The following DDX27 variants were observed in gnomAD, a reference collection of about 807,000 sequenced individuals.
The protein encoded by DDX27 is DEAD-box helicase 27.
DDX27 carries 42 observed loss-of-function variants against 99.3 expected under a neutral mutation model. The ratio of observed to expected loss-of-function variants is 0.42; its 90% CI spans 0.33 to 0.55. The LOEUF (loss-of-function observed/expected upper bound fraction) is 0.55. Ranked by LOEUF, DDX27 falls within the 20% of genes least tolerant of loss-of-function variation. The pLI, the probability that DDX27 is intolerant of heterozygous loss-of-function variation, is 0.07. For missense variants in DDX27, 798 were observed against 976.8 expected (o/e 0.82, Z 2.44); for synonymous variants, 329 against 353.8 (o/e 0.93, Z 0.79).
intron 16 of DDX27, among the ~76,000 whole-genome samples, chr20:49,239,822 C>T (rs1309460055): frequency 6.6e-6 from 1 of 152,104 alleles, no homozygotes; most frequent in East Asian, 1.9e-4. Flanking sequence ...AAACTATGTT[C>T]ATCAACAAGT....
chr20:49,221,808 CTTTTTT>C (rs11475081), intron 2 of DDX27, among the ~76,000 whole-genome samples: 1 of 132,170 alleles, frequency 7.6e-6, no homozygotes. Flanking sequence ...GACTCACTGT[CTTTTTT>C]TTTTTTTTTT....
At chr20:49,230,025 G>C (rs1980044864) in intron 8 of DDX27, among the ~76,000 whole-genome samples, 174 bp from the exon 9 acceptor site, 1 of 152,170 alleles carries the variant, frequency 6.6e-6, no homozygotes, top group South Asian at 2.1e-4. Flanking sequence ...TTAATGACAT[G>C]ATCTGTCTTT....
intron 7 of DDX27, among the ~76,000 whole-genome samples, chr20:49,227,602 A>G (rs146017668): frequency 0.015 from 2,318 of 151,668 alleles, 60 homozygotes; most frequent in South Asian, 0.07. Context: ...CCTGACCTCA[A>G]GTGATACACC....
chr20:49,222,455 A>C (rs1246475977), intron 2 of DDX27, among the ~76,000 whole-genome samples: 1 of 152,094 alleles, frequency 6.6e-6, no homozygotes, highest in African/African-American at 2.4e-5. Context: ...GATTACAGGC[A>C]TGAGCCACTG....
Position 49,223,516 on chromosome 20 carries a change from C to T in DDX27, c.466+83C>T, listed in dbSNP as rs1289072422. On this transcript the variant is annotated intron_variant, in intron 4 of 20. Transcript: ENST00000618172. ...TTTACTTTGTAGGGTTTCCTCCACT[C>T]TTCTGCACAGTTTATCTTTAAGCTG... 6 of 1,292,640 alleles carry T rather than the reference C, an allele frequency of 4.6e-6. No homozygotes were observed. The South Asian group carries it at 7.3e-5, about 16-fold the overall frequency. The allele number at this position is 1,292,640 out of a possible 1,614,324, so 80.1% of individuals were successfully genotyped here.
Position 49,236,639 on chromosome 20 carries a change from C to A in DDX27, c.1687+129C>A, listed in dbSNP as rs746806139. On this transcript the variant is annotated intron_variant, in intron 14 of 20. Coordinates refer to ENST00000618172, the MANE Select transcript of DDX27 (RefSeq NM_017895.8). This position sits in a 1 kb window ranked among gnomAD's most constrained non-coding sequence, Gnocchi z 4.1. The stretch of plus-strand genomic sequence containing the variant: ...AATTCCAGCCCTGCTGCTTCCTTGC[C>A]GAGTGACCATGTGCAGGTTTCACCT... 2.2e-6 allele frequency: 2 copies of A among 927,172 alleles called. No individual in the cohort carries two copies. The highest frequency in any genetic ancestry group is 6.3e-5 in the East Asian group (2 of 31,512). The allele number at this position is 927,172 out of a possible 1,614,324, so 57.4% of individuals were successfully genotyped here.
At chr20:49,226,229 G>T (rs982326368) in intron 6 of DDX27, among the ~76,000 whole-genome samples, 2 of 152,184 alleles carry the variant, frequency 1.3e-5, no homozygotes, top group African/African-American at 4.8e-5. Flanking sequence ...TGAGGGCAGG[G>T]TTTTTATTTC....
intron 7 of DDX27, 81 bp from the exon 8 acceptor site, chr20:49,228,634 T>C: frequency 7.5e-7 from 1 of 1,328,338 alleles, no homozygotes; most frequent in Non-Finnish European, 1.0e-6. Context: ...CCAGACGTAG[T>C]TTTTCTGTGC....
intron 18 of DDX27, 92 bp from the exon 19 acceptor site, chr20:49,242,502 C>G (rs764992947): frequency 4.7e-5 from 59 of 1,263,220 alleles, no homozygotes; most frequent in Non-Finnish European, 5.3e-5. Context: ...GCCAGAGTAT[C>G]CACTGAACTT....
At position 49,236,474 on chromosome 20, in the gene DDX27, G is replaced by T. The variant is rs772793298; in HGVS notation, c.1651G>T (p.Ala551Ser). The change falls in exon 14 of 21, where the codon GCC becomes TCC. Residue 551 changes from alanine to serine, a missense_variant. By Grantham distance (99) the Ala-to-Ser change is moderately conservative (BLOSUM62 1). Transcript: ENST00000618172. The surrounding 1 kb of genome is among the most constrained non-coding windows in gnomAD (Gnocchi z 4.1). ...RKMLKEIVKAAKAPVKARILP... is the reference protein window; with the variant it reads ...RKMLKEIVKASKAPVKARILP... ...GATGCTGAAGGAGATTGTAAAAGCT[G>T]CCAAGGCCCCTGTGAAGGCCAGGAT... 8 of 1,609,710 alleles carry T rather than the reference G, an allele frequency of 5.0e-6. No homozygotes were observed. In the South Asian group the frequency reaches 8.9e-5, roughly 18 times the overall value.
intron 11 of DDX27, 163 bp downstream of exon 11, chr20:49,233,872 C>A: frequency 1.4e-6 from 1 of 724,170 alleles, no homozygotes; most frequent in Non-Finnish European, 2.2e-6. Context: ...CTCTTCTCCA[C>A]GGGTCCTTCC....
At chr20:49,232,037 T>C (rs894294836) in intron 9 of DDX27, among the ~76,000 whole-genome samples, 1 of 152,038 alleles carries the variant, frequency 6.6e-6, no homozygotes, top group African/African-American at 2.4e-5. Flanking sequence ...AGGCACATGC[T>C]ACCATGCCTG....
At position 49,230,766 on chromosome 20, in the gene DDX27, ACCCCGCCCCCCAGCT is replaced by A. The variant is rs1257726839; in HGVS notation, c.1031+419_1031+433del. Among the ~76,000 whole-genome samples, 3 of 151,460 alleles carry A rather than the reference ACCCCGCCCCCCAGCT, an allele frequency of 2.0e-5. No individual in the cohort carries two copies. The East Asian group carries it at 5.9e-4, about 30-fold the overall frequency. On this transcript the variant is annotated intron_variant, in intron 9 of 20. Transcript: ENST00000618172. ...TGCAGTGGGGACTCCCTCTCCCCCC[ACCCCGCCCCCCAGCT>A]CTCTGTTCCTCTCTGTGCCATCTGC...
chr20:49,221,331 G>A (rs6019695), intron 1 of DDX27, 121 bp from the exon 2 acceptor site: 74,294 of 1,088,624 alleles, frequency 0.068, 3,004 homozygotes, highest in African/African-American at 0.15. Context: ...GACCTTGTCT[G>A]CGTGCCTTCG....
chr20:49,223,024 G>A lies in DDX27; in HGVS notation c.300+8G>A. The A allele has an allele frequency of 6.2e-7, 1 of 1,611,750 alleles. No individual in the cohort carries two copies. The highest frequency in any genetic ancestry group is 8.5e-7 in the Non-Finnish European group (1 of 1,178,798). On this transcript the variant is annotated splice_region_variant and intron_variant, in intron 3 of 20. Coordinates refer to ENST00000618172, the MANE Select transcript of DDX27 (RefSeq NM_017895.8). Reference sequence around the variant, plus strand: ...AAGAAAAGGAAAACAGAGGTGAGAAGAAAAGTGGCTATTTTTCGTTGTTAG... The same window carrying A: ...AAGAAAAGGAAAACAGAGGTGAGAAAAAAAGTGGCTATTTTTCGTTGTTAG...
At chr20:49,235,897 C>G (rs966983127) in intron 12 of DDX27, 1 of 239,200 alleles carries the variant, frequency 4.2e-6, no homozygotes, top group African/African-American at 2.3e-5. Context: ...GCGCCCGCCA[C>G]CATGCCTGGC....
At chr20:49,225,891 T>C (rs1979868794) in intron 6 of DDX27, among the ~76,000 whole-genome samples, 2 of 152,152 alleles carry the variant, frequency 1.3e-5, no homozygotes. Flanking sequence ...TCTGGCCCTC[T>C]CTGACGACAC....
In DDX27 at chr20:49,228,766, C is replaced by T. The variant is rs1430121084; in HGVS notation, c.758C>T (p.Pro253Leu). The T allele has an allele frequency of 1.2e-6, 2 of 1,612,910 alleles. 1 individual carries two copies. Among genetic ancestry groups the T allele is most frequent in the South Asian group, 2.2e-5 (2 of 90,946 alleles). Reference sequence around the variant, plus strand: ...GTTTTGGAGCGTCTGATTTATAAACCCCGCCAGGCTCCAGTCACCCGCGTG... The same window carrying T: ...GTTTTGGAGCGTCTGATTTATAAACTCCGCCAGGCTCCAGTCACCCGCGTG... ...LPVLERLIYK[P>L]RQAPVTRVLV... The change falls in exon 8 of 21, where the codon CCC (proline) becomes CTC (leucine). Residue 253 changes from proline (P) to leucine (L), a missense_variant. By Grantham distance (98) the Pro-to-Leu change is moderately conservative. This residue lies in a region of DDX27 where 553 missense variants were observed against 727.9 expected (regional missense o/e 0.76). Coordinates refer to ENST00000618172, the MANE Select transcript of DDX27 (RefSeq NM_017895.8).
intron 8 of DDX27, among the ~76,000 whole-genome samples, chr20:49,229,466 A>G (rs1980022845): frequency 6.6e-6 from 1 of 152,170 alleles, no homozygotes; most frequent in East Asian, 1.9e-4. Flanking sequence ...CTCTGTGAGA[A>G]TAATGAATCA....
Sources: allele counts gnomAD v4.1 joint callset (sites outside exome capture counted in the v4.1 genomes callset), GRCh38; gene constraint gnomAD v4.1.1; regional missense constraint gnomAD v4.1.1; non-coding constraint Gnocchi (gnomAD v3.1); transcripts MANE v1.5; gene names NCBI Gene and HGNC (gene_info 2026-07-23, HGNC 2026-07-21).